Variants in TMEM181 observed in about 807,000 individuals in gnomAD.
TMEM181 encodes the protein transmembrane protein 181.
In TMEM181, 39 loss-of-function variants were observed where a neutral mutation model predicts 71.9. The ratio of observed to expected loss-of-function variants is 0.54; its 90% CI spans 0.42 to 0.71. The LOEUF (loss-of-function observed/expected upper bound fraction) is 0.71. TMEM181 is among the 30% of genes least tolerant of loss of function. The pLI, the probability that TMEM181 is intolerant of heterozygous loss-of-function variation, is 0.00. For synonymous variants in TMEM181, 245 were observed against 228.8 expected (o/e 1.07, Z -0.64); for missense variants, 595 against 583.0 (o/e 1.02, Z -0.21).
At chr6:158,564,544 C>G (rs1049276860) in intron 1 of TMEM181, among the ~76,000 whole-genome samples, 2 of 152,204 alleles carry the variant, frequency 1.3e-5, no homozygotes, top group Non-Finnish European at 2.9e-5. Context: ...ATCCAAAATG[C>G]TTTCAAACAG....
intron 10 of TMEM181, chr6:158,611,322 T>C (rs1361736264): frequency 1.6e-5 from 8 of 510,116 alleles, no homozygotes; most frequent in Non-Finnish European, 2.8e-5. Context: ...GACACTCTGC[T>C]ATGCTTGGTT....
rs908727397 is a variant in TMEM181 at position 158,560,796 on chromosome 6, A to G, written c.8+564A>G. 4.8e-5 allele frequency among the ~76,000 whole-genome samples: 7 copies of G among 145,354 alleles called. No homozygotes were observed. The East Asian group carries it at 1.0e-3, about 21-fold the overall frequency. ...GAGTTATATGAGTTTTATGCGTTTT[A>G]CGATCTGCTGACTTTGGGCTTTTTT... On this transcript the variant is annotated intron_variant, in intron 1 of 16. Transcript: ENST00000684151.
At chr6:158,601,519 G>A (rs1296028452) in intron 6 of TMEM181, among the ~76,000 whole-genome samples, 1 of 152,120 alleles carries the variant, frequency 6.6e-6, no homozygotes, top group Non-Finnish European at 1.5e-5. Context: ...CCAGCACTTC[G>A]GGAGGCTGAG....
At chr6:158,576,967 C>T (rs1166116671) in intron 2 of TMEM181, among the ~76,000 whole-genome samples, 3 of 147,268 alleles carry the variant, frequency 2.0e-5, no homozygotes, top group Non-Finnish European at 4.4e-5. Context: ...GAGGCTGAGG[C>T]AGGAGAATGG....
At chr6:158,611,517 A>G in intron 10 of TMEM181, 1 of 502,904 alleles carries the variant, frequency 2.0e-6, no homozygotes. Context: ...TTAAGAGTTC[A>G]TGGAGTTACG....
intron 2 of TMEM181, among the ~76,000 whole-genome samples, chr6:158,576,785 G>A (rs1339568414): frequency 7.2e-5 from 11 of 152,046 alleles, no homozygotes; most frequent in African/African-American, 2.4e-4. Context: ...CAAGGCGGCC[G>A]GGCGTGGTGG....
At chr6:158,542,382 A>G (rs529059792) in intron 1 of TMEM181, among the ~76,000 whole-genome samples, 41 of 152,332 alleles carry the variant, frequency 2.7e-4, no homozygotes, top group African/African-American at 7.0e-4. Context: ...AAGTGTTTAC[A>G]TGCATCATCT....
At chr6:158,627,520 G>A (rs73797065) in intron 13 of TMEM181, among the ~76,000 whole-genome samples, 19,659 of 152,258 alleles carry the variant, frequency 0.13, 1,400 homozygotes, top group Middle Eastern at 0.2. Context: ...GTGGTTTGGG[G>A]ATGTATCTCT....
chr6:158,629,886 C>A lies in TMEM181; in HGVS notation c.1282+67C>A, dbSNP rs1008314512. 15 of 1,333,342 alleles carry A rather than the reference C, an allele frequency of 1.1e-5. No individual in the cohort carries two copies. The Admixed American group carries it at 1.9e-4, about 17-fold the overall frequency. 82.6% of individuals were successfully genotyped at this position (1,333,342 alleles called of 1,614,324 possible). A position where few individuals can be genotyped will look rare whatever the true frequency, so the allele number is the denominator to read the frequency against. On this transcript the variant is annotated intron_variant, in intron 15 of 16. Coordinates refer to ENST00000684151, the MANE Select transcript of TMEM181 (RefSeq NM_001376852.1). ...CACAGAGGCCTGTGTTCATCCACGA[C>A]CCACTTCCCGGGTTTCCCATTCATG...
intron 1 of TMEM181, among the ~76,000 whole-genome samples, chr6:158,550,531 C>T (rs1378750631): frequency 6.6e-6 from 1 of 151,798 alleles, no homozygotes; most frequent in Non-Finnish European, 1.5e-5. Context: ...TGTCGCTTAC[C>T]TGTAGTCTCA....
At chr6:158,543,308 C>T (rs190587818) in intron 1 of TMEM181, among the ~76,000 whole-genome samples, 40 of 152,328 alleles carry the variant, frequency 2.6e-4, no homozygotes, top group Admixed American at 1.8e-3. Flanking sequence ...GGAAGGATGA[C>T]GCAGTTCTGG....
intron 1 of TMEM181, 101 bp from the exon 2 acceptor site, chr6:158,573,319 G>A (rs1193370035): frequency 1.3e-6 from 1 of 777,932 alleles, no homozygotes; most frequent in Non-Finnish European, 2.1e-6. Flanking sequence ...GGGAGGGGAG[G>A]TGGGCAGTGT....
intron 6 of TMEM181, among the ~76,000 whole-genome samples, chr6:158,596,028 C>T (rs1007361112): frequency 1.3e-5 from 2 of 151,998 alleles, no homozygotes; most frequent in African/African-American, 4.8e-5. Flanking sequence ...TTCATGCCAT[C>T]CTCCTGCCTC....
intron 6 of TMEM181, among the ~76,000 whole-genome samples, chr6:158,599,024 G>C (rs1169385605): frequency 6.6e-6 from 1 of 152,172 alleles, no homozygotes; most frequent in Non-Finnish European, 1.5e-5. Context: ...CTCCAGTCCA[G>C]GCCCTTTGCT....
chr6:158,611,663 G>A lies in TMEM181; in HGVS notation c.896+2913G>A, dbSNP rs182867692. On this transcript the variant is annotated intron_variant, in intron 10 of 16. Transcript: ENST00000684151. ...CTCCCTGAGTGCTCTGAATCAGGCA[G>A]CCTTTGGTGGCGGCCCCGCCCACAC... 3.5e-3 allele frequency: 1,027 copies of A among 289,796 alleles called. 11 individuals are homozygous for A. The highest frequency in any genetic ancestry group is 4.0e-3 in the South Asian group (119 of 29,928). 18.0% of individuals were successfully genotyped at this position (289,796 alleles called of 1,614,324 possible).
At chr6:158,600,318 G>A (rs1256041744) in intron 6 of TMEM181, among the ~76,000 whole-genome samples, 2 of 151,422 alleles carry the variant, frequency 1.3e-5, no homozygotes, top group African/African-American at 2.4e-5. Context: ...GCGCCACCAC[G>A]TCTCTGTTTT....
At chr6:158,624,005 A>C (rs1485699184) in intron 11 of TMEM181, among the ~76,000 whole-genome samples, 3 of 152,128 alleles carry the variant, frequency 2.0e-5, no homozygotes, top group African/African-American at 7.2e-5. Flanking sequence ...CAAGTGATCT[A>C]CCCATCTCGG....
chr6:158,610,893 G>A, intron 10 of TMEM181: 1 of 401,148 alleles, frequency 2.5e-6, no homozygotes, highest in Non-Finnish European at 4.8e-6. Context: ...AGTAGTGAAG[G>A]AAGAAGGCTC....
upstream of TMEM181, among the ~76,000 whole-genome samples, chr6:158,556,902 A>T (rs1330097970): frequency 6.6e-6 from 1 of 152,064 alleles, no homozygotes; most frequent in Non-Finnish European, 1.5e-5. Flanking sequence ...AGCTGGGATT[A>T]CAGGCACCTG....
Sources: allele counts gnomAD v4.1 joint callset (sites outside exome capture counted in the v4.1 genomes callset), GRCh38; gene constraint gnomAD v4.1.1; transcripts MANE v1.5; gene names NCBI Gene and HGNC (gene_info 2026-07-23, HGNC 2026-07-21).